PIK3C3: variants seen among roughly 807,000 people sequenced by gnomAD.
PIK3C3 encodes phosphatidylinositol 3-kinase catalytic subunit type 3.
PIK3C3 carries 95 observed loss-of-function variants against 126.1 expected under a neutral mutation model. That is an observed-to-expected ratio of 0.75 (90% confidence interval 0.64 to 0.89). PIK3C3 has a LOEUF of 0.89. PIK3C3 is among the 40% of genes least tolerant of loss of function. The pLI is 0.00. For synonymous variants in PIK3C3, 374 were observed against 360.0 expected (o/e 1.04, Z -0.44); for missense variants, 829 against 1,063.2 (o/e 0.78, Z 3.06).
chr18:41,996,015 T>C, intron 8 of PIK3C3, 21 bp downstream of exon 8: 2 of 1,510,346 alleles, frequency 1.3e-6, no homozygotes, highest in Non-Finnish European at 1.8e-6. Flanking sequence ...TATGAAATAT[T>C]AATTTAAAAA....
At chr18:42,067,140 C>T (rs896555324) in intron 23 of PIK3C3, among the ~76,000 whole-genome samples, 12 of 152,108 alleles carry the variant, frequency 7.9e-5, no homozygotes, top group African/African-American at 2.9e-4. Context: ...AGAAATATTT[C>T]TTCTTTTCTT....
intron 2 of PIK3C3, among the ~76,000 whole-genome samples, chr18:41,961,426 G>T (rs563352438): frequency 1.3e-5 from 2 of 152,190 alleles, no homozygotes; most frequent in East Asian, 3.9e-4. Context: ...GCTTTCTTAA[G>T]CATGTGATTA....
chr18:42,034,322 G>A (rs2144454213), intron 16 of PIK3C3, among the ~76,000 whole-genome samples: 1 of 152,218 alleles, frequency 6.6e-6, no homozygotes, highest in East Asian at 1.9e-4. Flanking sequence ...CCAAAGTGTT[G>A]GGATTACAGG....
chr18:42,057,316 C>T (rs1242568910), intron 21 of PIK3C3, among the ~76,000 whole-genome samples: 1 of 152,038 alleles, frequency 6.6e-6, no homozygotes, highest in Admixed American at 6.6e-5. Context: ...ATAAGTCAGT[C>T]TTTCTTACAT....
At chr18:42,076,201 TATATATGCAC>T (rs1986024484) in intron 24 of PIK3C3, among the ~76,000 whole-genome samples, 1 of 144,010 alleles carries the variant, frequency 6.9e-6, no homozygotes, top group Admixed American at 7.0e-5. Flanking sequence ...TGCACACATA[TATATATGCAC>T]ATATATATAT....
At position 42,057,881 on chromosome 18, in the gene PIK3C3, A is replaced by C; in HGVS notation, c.2264-2A>C. 6.2e-7 allele frequency: 1 copy of C among 1,613,298 alleles called. No individual in the cohort carries two copies. Among genetic ancestry groups the C allele is most frequent in the African/African-American group, 1.3e-5 (1 of 75,012 alleles). On this transcript the variant is annotated splice_acceptor_variant, in intron 21 of 24. Transcript: ENST00000262039. LOFTEE classifies it high-confidence loss of function. ...ACAAATGAGTTTCTTGTCAACATCC[A>C]GGCAAACTCTTCCACATAGACTTTG...
intron 10 of PIK3C3, among the ~76,000 whole-genome samples, chr18:42,009,228 C>T (rs1982688864): frequency 6.6e-6 from 1 of 152,058 alleles, no homozygotes; most frequent in African/African-American, 2.4e-5. Context: ...AGAAACAACA[C>T]TATAGAGAGA....
chr18:42,016,570 T>C (rs148990239), intron 12 of PIK3C3, among the ~76,000 whole-genome samples: 7 of 152,158 alleles, frequency 4.6e-5, no homozygotes, highest in African/African-American at 1.7e-4. Context: ...TACAAGTTAC[T>C]TGTTACTAAA....
intron 10 of PIK3C3, among the ~76,000 whole-genome samples, chr18:42,007,535 CACTT>C (rs1311573447): frequency 1.2e-4 from 18 of 152,210 alleles, no homozygotes; most frequent in African/African-American, 4.1e-4. Context: ...TTTATTCACT[CACTT>C]ATCAATTTTA....
At chr18:42,076,116 A>ATG (rs1985982663) in intron 24 of PIK3C3, among the ~76,000 whole-genome samples, 2 of 72,022 alleles carry the variant, frequency 2.8e-5, no homozygotes, top group African/African-American at 1.5e-4. Flanking sequence ...ATATATATAT[A>ATG]TATATGCGCA....
At chr18:41,963,366 T>G (rs919561548) in intron 3 of PIK3C3, among the ~76,000 whole-genome samples, 44 of 152,186 alleles carry the variant, frequency 2.9e-4, no homozygotes, top group African/African-American at 9.7e-4. Flanking sequence ...ATCGATGGCT[T>G]TTGTGCATTT....
chr18:41,957,560 G>C lies in PIK3C3; in HGVS notation c.69-10G>C. On this transcript the variant is annotated splice_polypyrimidine_tract_variant and intron_variant, in intron 1 of 24. Transcript: ENST00000262039. ...TCATGTCTGAAACATTGTTGGTCTT[G>C]TGCTTTCAGAGGAAGCTTGGAAGGG... is the stretch of plus-strand genomic sequence containing the variant. The C allele has an allele frequency of 6.2e-7, 1 of 1,604,228 alleles. No homozygotes were observed. Among genetic ancestry groups the C allele is most frequent in the Non-Finnish European group, 8.5e-7 (1 of 1,177,690 alleles).
At chr18:41,960,923 G>C (rs1487647918) in intron 2 of PIK3C3, among the ~76,000 whole-genome samples, 2 of 151,880 alleles carry the variant, frequency 1.3e-5, no homozygotes, top group Admixed American at 6.6e-5. Context: ...TGTATTTTTA[G>C]TAGAGACACG....
intron 24 of PIK3C3, among the ~76,000 whole-genome samples, chr18:42,069,724 G>A (rs1297835043): frequency 2.0e-5 from 3 of 152,010 alleles, no homozygotes; most frequent in Non-Finnish European, 4.4e-5. Flanking sequence ...TCTCCATCAT[G>A]GGTTTTCCTT....
At chr18:42,057,772 G>T in intron 21 of PIK3C3, 111 bp from the exon 22 acceptor site, 1 of 948,318 alleles carries the variant, frequency 1.1e-6, no homozygotes, top group Admixed American at 2.5e-5. Context: ...GCTTCATCGT[G>T]AACTAATATT....
At chr18:41,991,159 C>G (rs1370916836) in intron 6 of PIK3C3, among the ~76,000 whole-genome samples, 2 of 151,778 alleles carry the variant, frequency 1.3e-5, no homozygotes, top group Non-Finnish European at 2.9e-5. Flanking sequence ...AAGTATCTTC[C>G]TTAAATGCTT....
At chr18:42,074,409 C>T (rs535026774) in intron 24 of PIK3C3, among the ~76,000 whole-genome samples, 1 of 152,104 alleles carries the variant, frequency 6.6e-6, no homozygotes, top group African/African-American at 2.4e-5. Flanking sequence ...TTCAGGTGAA[C>T]AGATAAGTAG....
chr18:42,013,886 AG>A (rs1756368372), intron 11 of PIK3C3, among the ~76,000 whole-genome samples: 1 of 152,194 alleles, frequency 6.6e-6, no homozygotes, highest in South Asian at 2.1e-4. Context: ...GTTTCTTAAG[AG>A]TGGTGATAGC....
intron 12 of PIK3C3, among the ~76,000 whole-genome samples, chr18:42,018,882 A>T (rs1444666579): frequency 2.0e-5 from 3 of 152,164 alleles, no homozygotes; most frequent in African/African-American, 7.2e-5. Flanking sequence ...CACATAGCAT[A>T]GCATGTTGGT....
Sources: gnomAD v4.1 joint callset for allele counts (sites outside exome capture counted in the v4.1 genomes callset) on GRCh38, gnomAD v4.1.1 for gene constraint, MANE v1.5 for transcripts, NCBI Gene and HGNC (gene_info 2026-07-23, HGNC 2026-07-21) for gene names.